Variants in RELL1 observed in about 807,000 individuals in gnomAD.
RELL1 encodes the protein RELT-like protein 1.
Under a neutral mutation model 23.0 loss-of-function variants are expected in RELL1, and 10 were observed. The ratio of observed to expected loss-of-function variants is 0.43; its 90% confidence interval spans 0.27 to 0.74. RELL1 has a LOEUF of 0.74. RELL1 is among the 30% of genes least tolerant of loss of function. The pLI, the probability that RELL1 is intolerant of heterozygous loss-of-function variation, is 0.19. For synonymous variants in RELL1, 146 were observed against 146.8 expected (o/e 0.99, Z 0.04); for missense variants, 315 against 364.4 (o/e 0.86, Z 1.10).
At chr4:37,666,876 AG>A (rs561256172) in intron 1 of RELL1, among the ~76,000 whole-genome samples, 64 of 152,294 alleles carry the variant, frequency 4.2e-4, no homozygotes, top group African/African-American at 1.5e-3. Context: ...GTCACAGGTT[AG>A]GTCGGGCAAT....
chr4:37,650,808 G>T (rs1245166742), intron 1 of RELL1, among the ~76,000 whole-genome samples: 1 of 131,162 alleles, frequency 7.6e-6, no homozygotes, highest in Non-Finnish European at 1.6e-5. Context: ...TACTTTGGGA[G>T]GCTGAAGGGG....
At position 37,627,138 on chromosome 4, in the gene RELL1, T is replaced by A. The variant is rs57107180; in HGVS notation, c.*3+4247A>T. Reference sequence around the variant, plus strand: ...AACATTACATTGCACATGATAAATATATGCAACTTTCATGTGTCCATTAAA... The same window carrying A: ...AACATTACATTGCACATGATAAATAAATGCAACTTTCATGTGTCCATTAAA... On this transcript the variant is annotated intron_variant, in intron 6 of 6. Coordinates refer to ENST00000454158, the MANE Select transcript of RELL1 (RefSeq NM_001085400.2). 5.2e-3 allele frequency among the ~76,000 whole-genome samples: 798 copies of A among 152,352 alleles called. 12 individuals carry two copies. Among genetic ancestry groups the A allele is most frequent in the African/African-American group, 0.018 (755 of 41,568 alleles).
intron 6 of RELL1, among the ~76,000 whole-genome samples, chr4:37,595,191 A>G (rs1301842414): frequency 1.3e-5 from 2 of 152,228 alleles, no homozygotes; most frequent in African/African-American, 2.4e-5. Context: ...ACAATAAGTC[A>G]TTCATTTATA....
chr4:37,668,395 T>C (rs1409362071), intron 1 of RELL1, among the ~76,000 whole-genome samples: 1 of 152,158 alleles, frequency 6.6e-6, no homozygotes, highest in African/African-American at 2.4e-5. Context: ...TTCGTATTTT[T>C]TGGGTGGAGA....
At position 37,616,849 on chromosome 4, in the gene RELL1, A is replaced by T. The variant is rs76925213; in HGVS notation, c.*4-3507T>A. Among the ~76,000 whole-genome samples, 1,300 of 152,256 alleles carry T rather than the reference A, an allele frequency of 8.5e-3. 10 individuals carry two copies. Among genetic ancestry groups the T allele is most frequent in the Non-Finnish European group, 0.013 (852 of 68,006 alleles). On this transcript the variant is annotated intron_variant, in intron 6 of 6. Coordinates refer to ENST00000454158, the MANE Select transcript of RELL1 (RefSeq NM_001085400.2). The stretch of plus-strand genomic sequence containing the variant: ...GCTCTACTGACCATTCTGCAGTTAC[A>T]CGCTTGCAGGTTATGATGGCTGTGC...
intron 1 of RELL1, among the ~76,000 whole-genome samples, chr4:37,669,215 GC>G (rs1422154968): frequency 2.7e-5 from 3 of 110,880 alleles, no homozygotes; most frequent in African/African-American, 4.4e-5. Context: ...CTGGCCAGCC[GC>G]CCCGTCCGGG....
intron 3 of RELL1, among the ~76,000 whole-genome samples, chr4:37,639,452 AACTTTAAAAAATTAG>A (rs1328325088): frequency 6.6e-6 from 1 of 151,722 alleles, no homozygotes. Flanking sequence ...AATATACGCT[AACTTTAAAAAATTAG>A]ACTTCTAAAA....
intron 1 of RELL1, among the ~76,000 whole-genome samples, chr4:37,671,938 C>G (rs750561941): frequency 6.6e-6 from 1 of 152,108 alleles, no homozygotes; most frequent in Non-Finnish European, 1.5e-5. Flanking sequence ...TATTATGAAG[C>G]ATACAACTCA....
intron 4 of RELL1, 78 bp from the exon 5 acceptor site, chr4:37,635,201 CAGA>C: frequency 1.7e-6 from 2 of 1,146,040 alleles, no homozygotes; most frequent in African/African-American, 1.5e-5. Context: ...CCTGTGATGA[CAGA>C]AGCAGTTTAA....
intron 1 of RELL1, among the ~76,000 whole-genome samples, chr4:37,651,105 T>C (rs1424281887): frequency 6.6e-6 from 1 of 151,660 alleles, no homozygotes; most frequent in Non-Finnish European, 1.5e-5. Context: ...TATTAAAAAG[T>C]TAGCCTTATA....
At chr4:37,678,809 T>C (rs1041507829) in intron 1 of RELL1, among the ~76,000 whole-genome samples, 1 of 152,164 alleles carries the variant, frequency 6.6e-6, no homozygotes, top group African/African-American at 2.4e-5. Context: ...ATAATACCGA[T>C]AAGGAAAGTA....
intron 6 of RELL1, chr4:37,622,929 C>T (rs559465711): frequency 1.4e-4 from 59 of 419,380 alleles, no homozygotes; most frequent in Admixed American, 6.5e-4. Flanking sequence ...CTCAGCCTCC[C>T]GAGTAGCTGG....
chr4:37,632,084 G>GAAAAA lies in RELL1; in HGVS notation c.681-566_681-562dup, dbSNP rs1183120605. 3.4e-3 allele frequency among the ~76,000 whole-genome samples: 151 copies of GAAAAA among 44,432 alleles called. 3 individuals are homozygous for GAAAAA. Among genetic ancestry groups the GAAAAA allele is most frequent in the African/African-American group, 4.9e-3 (51 of 10,318 alleles). 29.1% of individuals were successfully genotyped at this position (44,432 alleles called of 152,430 possible). ...CAGAGCTAGACCCTGTCTCAATAAG[G>GAAAAA]AAAAAAAAAAAAAAAAAAAAAAAAA... On this transcript the variant is annotated intron_variant, in intron 5 of 6. Transcript: ENST00000454158.
chr4:37,677,635 A>T (rs1035334329), intron 1 of RELL1, among the ~76,000 whole-genome samples: 1 of 152,228 alleles, frequency 6.6e-6, no homozygotes, highest in Non-Finnish European at 1.5e-5. Context: ...AGAAAATGTC[A>T]TGCTCTACCC....
chr4:37,673,483 CACTAGGCCAAA>C (rs1461580372), intron 1 of RELL1, among the ~76,000 whole-genome samples: 1 of 152,172 alleles, frequency 6.6e-6, no homozygotes, highest in Non-Finnish European at 1.5e-5. Flanking sequence ...TGAGCCACCA[CACTAGGCCAAA>C]ACTATATACT....
At position 37,649,361 on chromosome 4, in the gene RELL1, G is replaced by A. The variant is rs751973905; in HGVS notation, c.228C>T (p.Leu76=). ...CTTTCTTCTTAAGCAGGTGGCAAAT[G>A]AGGACGCCAAAGAGACCCATGATAA... ...VFFIMGLFGV[L]ICHLLKKKGY... is the part of the protein sequence containing the mutation. Residue 76 remains leucine, a synonymous_variant, in exon 2 of 7, where the codon CTC becomes CTT. Coordinates refer to ENST00000454158, the MANE Select transcript of RELL1 (RefSeq NM_001085400.2). The A allele has an allele frequency of 5.6e-6, 9 of 1,614,092 alleles. No individual in the cohort carries two copies. The highest frequency in any genetic ancestry group is 7.6e-6 in the Non-Finnish European group (9 of 1,180,046).
At chr4:37,603,049 G>T (rs1303002218) in intron 6 of RELL1, among the ~76,000 whole-genome samples, 2 of 152,358 alleles carry the variant, frequency 1.3e-5, no homozygotes, top group South Asian at 2.1e-4. Flanking sequence ...GCTAATGGTA[G>T]TCTTTCGTTT....
intron 1 of RELL1, among the ~76,000 whole-genome samples, chr4:37,681,143 A>C (rs377234145): frequency 6.6e-6 from 1 of 152,128 alleles, no homozygotes; most frequent in African/African-American, 2.4e-5. Context: ...CTTAACTCCT[A>C]TGCAACAGTA....
intron 6 of RELL1, among the ~76,000 whole-genome samples, chr4:37,595,505 G>T (rs369442818): frequency 6.6e-6 from 1 of 151,856 alleles, no homozygotes. Flanking sequence ...GAAGTCTGGA[G>T]TTAGTGATCT....
Sources: allele counts gnomAD v4.1 joint callset (sites outside exome capture counted in the v4.1 genomes callset), GRCh38; gene constraint gnomAD v4.1.1; transcripts MANE v1.5; gene names NCBI Gene and HGNC (gene_info 2026-07-23, HGNC 2026-07-21).